DMD: variants seen among roughly 807,000 people sequenced by gnomAD.
DMD encodes mutant dystrophin.
A neutral mutation model predicts 330.1 loss-of-function variants in DMD; 63 were observed. The observed-to-expected ratio is 0.19, with a 90% CI of 0.16 to 0.24. DMD has a LOEUF of 0.24. DMD is among the 10% of genes least tolerant of loss of function. The pLI, the probability that DMD is intolerant of heterozygous loss-of-function variation, is 1.00. For missense variants in DMD, 3,344 were observed against 2,684.1 expected (o/e 1.25, Z -5.43); for synonymous variants, 1,223 against 959.8 (o/e 1.27, Z -5.07).
At chrX:32,745,762 T>C (rs1270056252) in intron 7 of DMD, among the ~76,000 whole-genome samples, 1 of 112,448 alleles carries the variant, frequency 8.9e-6, no homozygotes, top group Non-Finnish European at 1.9e-5. Flanking sequence ...TAATGAATCA[T>C]GGTTATTTAC....
chrX:32,791,478 C>T (rs1203343188), intron 7 of DMD, among the ~76,000 whole-genome samples: 1 of 111,907 alleles, frequency 8.9e-6, no homozygotes, highest in Non-Finnish European at 1.9e-5. Flanking sequence ...ACCGGCAAAA[C>T]TTCACCACAG....
At chrX:32,125,947 C>G (rs997573583) in intron 44 of DMD, among the ~76,000 whole-genome samples, 44 of 112,017 alleles carry the variant, frequency 3.9e-4, no homozygotes, top group Non-Finnish European at 6.2e-4. Flanking sequence ...AATATTTAGG[C>G]CCCATCCCAG....
At chrX:33,123,984 G>A (rs1292545740) in intron 1 of DMD, among the ~76,000 whole-genome samples, 3 of 107,222 alleles carry the variant, frequency 2.8e-5, no homozygotes, top group Non-Finnish European at 3.8e-5. Flanking sequence ...GGCCAACATG[G>A]TGAAACCCTG....
At chrX:32,378,388 A>T (rs1249438428) in intron 34 of DMD, among the ~76,000 whole-genome samples, 1 of 109,614 alleles carries the variant, frequency 9.1e-6, no homozygotes, top group Non-Finnish European at 1.9e-5. Context: ...AAGCCACACT[A>T]AATAATTTTT....
intron 63 of DMD, among the ~76,000 whole-genome samples, chrX:31,244,699 T>C (rs1982194270): frequency 8.9e-6 from 1 of 111,954 alleles, no homozygotes; most frequent in Non-Finnish European, 1.9e-5. Context: ...TTCTATTATC[T>C]CAAACAACTA....
intron 44 of DMD, among the ~76,000 whole-genome samples, chrX:32,059,791 G>C (rs1321884940): frequency 9.0e-6 from 1 of 111,174 alleles, no homozygotes; most frequent in Non-Finnish European, 1.9e-5. Context: ...GCTTAAGTTG[G>C]TATAAGATAG....
chrX:33,073,876 C>T (rs965508533), intron 1 of DMD, among the ~76,000 whole-genome samples: 5 of 107,281 alleles, frequency 4.7e-5, no homozygotes, highest in Middle Eastern at 4.9e-3. Context: ...AATAAATAAA[C>T]AGCTAAGGCT....
chrX:32,329,947 T>C (rs2097671057), intron 41 of DMD, among the ~76,000 whole-genome samples: 1 of 112,348 alleles, frequency 8.9e-6, no homozygotes, highest in Non-Finnish European at 1.9e-5. Context: ...ATCCATGGAT[T>C]AGTCACCACT....
chrX:32,206,235 G>C, intron 44 of DMD: 1 of 516,930 alleles, frequency 1.9e-6, no homozygotes, highest in East Asian at 3.7e-5. Context: ...ACAGCATTTA[G>C]TAGCTGGGGA....
chrX:32,311,163 TTGAAA>T (rs1401884694), intron 41 of DMD, among the ~76,000 whole-genome samples: 38 of 111,357 alleles, frequency 3.4e-4, no homozygotes, highest in African/African-American at 1.2e-3. Flanking sequence ...ATTCTTGTAA[TTGAAA>T]TTATTCTCCC....
chrX:31,459,859 C>T (rs755587125), intron 59 of DMD, among the ~76,000 whole-genome samples: 6 of 111,864 alleles, frequency 5.4e-5, no homozygotes, highest in Non-Finnish European at 1.1e-4. Flanking sequence ...CCTTACTCTG[C>T]CTAATTCAGT....
At chrX:33,046,608 G>A (rs1367793477) in intron 1 of DMD, among the ~76,000 whole-genome samples, 2 of 111,826 alleles carry the variant, frequency 1.8e-5, no homozygotes, top group African/African-American at 3.2e-5. Flanking sequence ...ACTGACTGGG[G>A]GCTCAAAATT....
chrX:32,161,076 G>C (rs771906259), intron 44 of DMD, among the ~76,000 whole-genome samples: 9 of 111,525 alleles, frequency 8.1e-5, no homozygotes, highest in African/African-American at 2.9e-4. Context: ...TTTTATTCTT[G>C]CTTCCTATAT....
In DMD at chrX:32,752,807, G is replaced by A. The variant is rs753735709; in HGVS notation, c.650-53514C>T. Among the ~76,000 whole-genome samples the A allele has an allele frequency of 3.6e-5, 4 of 109,714 alleles. 1 individual carries two copies. In the East Asian group the frequency reaches 1.2e-3, roughly 32 times the overall value. On this transcript the variant is annotated intron_variant, in intron 7 of 78. Coordinates refer to ENST00000357033, the MANE Select transcript of DMD (RefSeq NM_004006.3). ...CCATGCTGTTCTTGTGGTAGTGAAA[G>A]TCTCACGAGATCTGATGGCTTTGTA...
At chrX:32,153,627 C>T (rs186488835) in intron 44 of DMD, among the ~76,000 whole-genome samples, 1 of 111,709 alleles carries the variant, frequency 9.0e-6, no homozygotes, top group Admixed American at 9.5e-5. Context: ...ACTTCACAAC[C>T]AAGACTATCC....
intron 52 of DMD, among the ~76,000 whole-genome samples, chrX:31,691,531 T>C (rs1228715603): frequency 9.0e-6 from 1 of 111,597 alleles, no homozygotes; most frequent in East Asian, 2.8e-4. Context: ...GACCCAAATA[T>C]GTGCTGCCTA....
intron 44 of DMD, among the ~76,000 whole-genome samples, chrX:32,198,455 C>T (rs150488914): frequency 0.011 from 1,225 of 111,562 alleles, 11 homozygotes; most frequent in South Asian, 0.033. Context: ...CATGTTACAA[C>T]GCTATGAAGT....
At chrX:32,436,785 C>CCA (rs774197384) in intron 29 of DMD, among the ~76,000 whole-genome samples, 61 of 108,497 alleles carry the variant, frequency 5.6e-4, no homozygotes, top group East Asian at 1.2e-3. Flanking sequence ...AACAACATTT[C>CCA]CACACACACA....
At chrX:31,178,576 C>A in intron 70 of DMD, 93 bp downstream of exon 70, 2 of 1,099,362 alleles carry the variant, frequency 1.8e-6, no homozygotes, top group Non-Finnish European at 2.4e-6. Context: ...ATAGAAGAGA[C>A]TGTTTGCATT....
Sources: gnomAD v4.1 joint callset for allele counts (sites outside exome capture counted in the v4.1 genomes callset) on GRCh38, gnomAD v4.1.1 for gene constraint, MANE v1.5 for transcripts, NCBI Gene and HGNC (gene_info 2026-07-23, HGNC 2026-07-21) for gene names.